PCCA: variants seen among roughly 807,000 people sequenced by gnomAD.
PCCA encodes the protein propionyl-CoA carboxylase alpha chain, mitochondrial.
A neutral mutation model predicts 101.3 loss-of-function variants in PCCA; 74 were observed. The ratio of observed to expected loss-of-function variants is 0.73; its 90% CI spans 0.61 to 0.89. The LOEUF (loss-of-function observed/expected upper bound fraction) is 0.89. Ranked by LOEUF, PCCA falls within the 40% of genes least tolerant of loss-of-function variation. The pLI is 0.00. For synonymous variants in PCCA, 294 were observed against 313.6 expected (o/e 0.94, Z 0.66); for missense variants, 891 against 907.0 (o/e 0.98, Z 0.23).
intron 21 of PCCA, among the ~76,000 whole-genome samples, chr13:100,452,710 T>C (rs532957858): frequency 6.6e-6 from 1 of 152,268 alleles, no homozygotes; most frequent in East Asian, 1.9e-4. Context: ...TTTTTTGATG[T>C]ATTTGTTGTC....
chr13:100,472,066 G>T (rs3783171), intron 21 of PCCA, among the ~76,000 whole-genome samples: 57,719 of 151,794 alleles, frequency 0.38, 12,291 homozygotes, highest in African/African-American at 0.59. Flanking sequence ...CCTTCACAGT[G>T]GAATACAAGG....
intron 18 of PCCA, 54 bp from the exon 19 acceptor site, chr13:100,368,418 T>C (rs1043509250): frequency 5.0e-6 from 5 of 995,464 alleles, no homozygotes; most frequent in Non-Finnish European, 7.9e-6. Flanking sequence ...AATTAGTTTA[T>C]TGAGAAATAA....
chr13:100,168,132 A>G (rs2055243578), intron 6 of PCCA, among the ~76,000 whole-genome samples: 1 of 152,156 alleles, frequency 6.6e-6, no homozygotes, highest in Non-Finnish European at 1.5e-5. Flanking sequence ...AACCTGAGAG[A>G]TTCTAGTGTT....
chr13:100,496,599 CA>C (rs1486810122), intron 21 of PCCA, among the ~76,000 whole-genome samples: 12 of 152,082 alleles, frequency 7.9e-5, no homozygotes, highest in Middle Eastern at 3.2e-3. Context: ...TCATTTGGTT[CA>C]GGTGGTGTTT....
At chr13:100,506,806 C>CCTATCTGATA (rs1566477718) in intron 21 of PCCA, among the ~76,000 whole-genome samples, 13 of 152,114 alleles carry the variant, frequency 8.5e-5, no homozygotes, top group African/African-American at 3.1e-4. Flanking sequence ...TGGGCACCGT[C>CCTATCTGATA]GTGAAATGGT....
At chr13:100,089,902 A>C (rs563381617) in intron 1 of PCCA, among the ~76,000 whole-genome samples, 1 of 152,170 alleles carries the variant, frequency 6.6e-6, no homozygotes, top group Non-Finnish European at 1.5e-5. Context: ...TCATGATGGC[A>C]GATTGACAAA....
chr13:100,400,595 T>C (rs1157343602), intron 19 of PCCA, among the ~76,000 whole-genome samples: 2 of 148,820 alleles, frequency 1.3e-5, no homozygotes, highest in African/African-American at 2.5e-5. Context: ...TAATTTTAGG[T>C]GTAATATGAT....
chr13:100,286,303 A>G (rs1315548091), intron 12 of PCCA, among the ~76,000 whole-genome samples: 1 of 152,192 alleles, frequency 6.6e-6, no homozygotes, highest in Non-Finnish European at 1.5e-5. Flanking sequence ...CACTCGGACA[A>G]GGGAGGGGAA....
chr13:100,228,636 T>C (rs956252340), intron 7 of PCCA, among the ~76,000 whole-genome samples: 15 of 151,928 alleles, frequency 9.9e-5, no homozygotes, highest in Non-Finnish European at 2.1e-4. Flanking sequence ...GGTGGCTCAC[T>C]CCTGTAATCC....
At chr13:100,315,364 A>T (rs115532571) in intron 16 of PCCA, among the ~76,000 whole-genome samples, 458 of 152,322 alleles carry the variant, frequency 3.0e-3, no homozygotes, top group African/African-American at 0.01. Flanking sequence ...TATTTAAAGA[A>T]TAAAAGCAGA....
intron 17 of PCCA, among the ~76,000 whole-genome samples, chr13:100,336,814 T>C (rs1250587328): frequency 6.6e-6 from 1 of 152,206 alleles, no homozygotes; most frequent in Non-Finnish European, 1.5e-5. Context: ...TAAGCTTGAA[T>C]GTTGTGAACG....
intron 6 of PCCA, among the ~76,000 whole-genome samples, chr13:100,202,452 T>C (rs933009512): frequency 5.3e-5 from 8 of 151,958 alleles, no homozygotes; most frequent in African/African-American, 1.9e-4. Context: ...TGATGATTAT[T>C]TAAATTTCTC....
chr13:100,222,002 G>A (rs191062209), intron 7 of PCCA, among the ~76,000 whole-genome samples: 2 of 152,084 alleles, frequency 1.3e-5, no homozygotes, highest in African/African-American at 4.8e-5. Context: ...TCCCCAAAGT[G>A]CTAGGATTAT....
intron 19 of PCCA, among the ~76,000 whole-genome samples, chr13:100,374,085 C>G (rs989505188): frequency 1.6e-4 from 25 of 151,900 alleles, no homozygotes; most frequent in African/African-American, 6.0e-4. Context: ...GCACTCTAGC[C>G]TGGGTGACAG....
At chr13:100,158,249 C>G (rs2054077382) in intron 6 of PCCA, among the ~76,000 whole-genome samples, 1 of 152,210 alleles carries the variant, frequency 6.6e-6, no homozygotes, top group Non-Finnish European at 1.5e-5. Context: ...ATCTATGGAA[C>G]CACTGTCATA....
intron 2 of PCCA, among the ~76,000 whole-genome samples, chr13:100,111,094 C>G (rs1406653106): frequency 6.6e-6 from 1 of 151,436 alleles, no homozygotes; most frequent in Non-Finnish European, 1.5e-5. Flanking sequence ...TCACTGCAGT[C>G]TCCGCCTCCC....
At chr13:100,451,063 G>T (rs530633770) in intron 21 of PCCA, among the ~76,000 whole-genome samples, 92 of 152,286 alleles carry the variant, frequency 6.0e-4, no homozygotes, top group African/African-American at 2.2e-3. Flanking sequence ...GGGGAGCGTT[G>T]CAGTTCAAGT....
At chr13:100,182,580 G>A (rs2056901160) in intron 6 of PCCA, among the ~76,000 whole-genome samples, 1 of 152,166 alleles carries the variant, frequency 6.6e-6, no homozygotes, top group Non-Finnish European at 1.5e-5. Flanking sequence ...CTTGAAGACA[G>A]CACTGGAAGC....
chr13:100,382,723 C>G (rs903286580), intron 19 of PCCA, among the ~76,000 whole-genome samples: 4 of 151,894 alleles, frequency 2.6e-5, no homozygotes, highest in African/African-American at 9.7e-5. Flanking sequence ...TCCAAGCAAG[C>G]AATGAAAAAT....
Sources: gnomAD v4.1 joint callset for allele counts (sites outside exome capture counted in the v4.1 genomes callset) on GRCh38, gnomAD v4.1.1 for gene constraint, MANE v1.5 for transcripts, NCBI Gene and HGNC (gene_info 2026-07-23, HGNC 2026-07-21) for gene names.